Variants in GRIA4 observed in about 807,000 individuals in gnomAD.
The protein encoded by GRIA4 is glutamate receptor 4.
In GRIA4, 34 loss-of-function variants were observed where a neutral mutation model predicts 104.0. The ratio of observed to expected loss-of-function variants is 0.33; its 90% CI spans 0.25 to 0.44. GRIA4 has a LOEUF of 0.44. Among genes scored for constraint, GRIA4 ranks in the 20% least tolerant of loss-of-function variants. The probability of loss-of-function intolerance (pLI) is 1.00; values close to 1 mark genes in which losing one functional copy is unlikely to be tolerated. For missense variants in GRIA4, 750 were observed against 1,096.5 expected, an observed-to-expected ratio of 0.68 and a Z score of 4.46; for synonymous variants, 386 against 381.9, an observed-to-expected ratio of 1.01 and a Z score of -0.13.
intron 10 of GRIA4, chr11:105,912,373 T>A: frequency 1.2e-5 from 12 of 967,744 alleles, no homozygotes; most frequent in Non-Finnish European, 1.5e-5. Context: ...ATATAGAGAA[T>A]CTCCTTTCCA....
At chr11:105,660,166 T>C (rs775170331) in intron 3 of GRIA4, among the ~76,000 whole-genome samples, 6 of 151,466 alleles carry the variant, frequency 4.0e-5, no homozygotes, top group Non-Finnish European at 8.9e-5. Flanking sequence ...TATAAGCACA[T>C]AAAGATAATT....
At chr11:105,640,443 A>G (rs188546937) in intron 3 of GRIA4, among the ~76,000 whole-genome samples, 80 of 152,044 alleles carry the variant, frequency 5.3e-4, no homozygotes, top group African/African-American at 1.9e-3. Context: ...AATAATAAAA[A>G]TGCACATACT....
intron 3 of GRIA4, among the ~76,000 whole-genome samples, chr11:105,632,373 T>C (rs1951055841): frequency 6.6e-6 from 1 of 152,208 alleles, no homozygotes; most frequent in African/African-American, 2.4e-5. Context: ...TCAAAGACCA[T>C]AGCACTGCTT....
At chr11:105,927,692 G>A (rs184659757) in intron 13 of GRIA4, among the ~76,000 whole-genome samples, 85 of 151,944 alleles carry the variant, frequency 5.6e-4, no homozygotes, top group African/African-American at 1.9e-3. Flanking sequence ...CCATTATGGG[G>A]ATGAATTTTT....
chr11:105,904,039 T>C, intron 8 of GRIA4, 58 bp downstream of exon 8: 6 of 1,179,708 alleles, frequency 5.1e-6, no homozygotes, highest in Non-Finnish European at 7.3e-6. Context: ...TAACTGAATG[T>C]TCAAAAAACA....
At chr11:105,742,310 C>T (rs1018021043) in intron 3 of GRIA4, among the ~76,000 whole-genome samples, 3 of 152,138 alleles carry the variant, frequency 2.0e-5, no homozygotes, top group African/African-American at 7.2e-5. Context: ...CTACACATAT[C>T]TTACCTAATC....
intron 3 of GRIA4, among the ~76,000 whole-genome samples, chr11:105,672,104 G>A (rs1952392626): frequency 6.6e-6 from 1 of 152,124 alleles, no homozygotes; most frequent in South Asian, 2.1e-4. Flanking sequence ...TGTATGACAT[G>A]GCACAAAATA....
At chr11:105,910,126 G>T (rs4754138) in intron 9 of GRIA4, among the ~76,000 whole-genome samples, 1 of 151,998 alleles carries the variant, frequency 6.6e-6, no homozygotes, top group Admixed American at 6.6e-5. Flanking sequence ...CTAGAGGAGG[G>T]GATCTGCATA....
intron 3 of GRIA4, among the ~76,000 whole-genome samples, chr11:105,658,323 C>T (rs1245077911): frequency 1.3e-5 from 2 of 151,776 alleles, no homozygotes; most frequent in Non-Finnish European, 1.5e-5. Context: ...TCATCCTGAA[C>T]AGCTTTCTTC....
intron 4 of GRIA4, among the ~76,000 whole-genome samples, chr11:105,845,649 C>T (rs781726142): frequency 6.6e-6 from 1 of 152,108 alleles, no homozygotes; most frequent in African/African-American, 2.4e-5. Flanking sequence ...TTTGGGAGAC[C>T]GAGGCGGGTA....
At chr11:105,871,362 T>C (rs1040584425) in intron 5 of GRIA4, among the ~76,000 whole-genome samples, 8 of 152,026 alleles carry the variant, frequency 5.3e-5, no homozygotes, top group African/African-American at 1.4e-4. Flanking sequence ...TGGACAAATA[T>C]AGGCAAAATA....
rs191578309 is a variant in GRIA4 at position 105,729,348 on chromosome 11, G to C, written c.248-23633G>C. On this transcript the variant is annotated intron_variant, in intron 3 of 16. Transcript: ENST00000282499. ...TAAACCAACAACAAGTTCTGAAATT[G>C]AGGCAGTAATTAATAGCCTACAAAG... Among the ~76,000 whole-genome samples the C allele has an allele frequency of 1.4e-3, 213 of 152,238 alleles. 1 individual carries two copies. The highest frequency in any genetic ancestry group is 2.6e-3 in the Non-Finnish European group (174 of 68,010).
intron 3 of GRIA4, among the ~76,000 whole-genome samples, chr11:105,691,120 C>T (rs527634796): frequency 4.6e-5 from 7 of 152,108 alleles, no homozygotes; most frequent in South Asian, 4.1e-4. Context: ...AGCATTGTTA[C>T]GATTCCCTAA....
chr11:105,817,079 T>A (rs918331597), intron 4 of GRIA4, among the ~76,000 whole-genome samples: 6 of 152,042 alleles, frequency 3.9e-5, no homozygotes, highest in Admixed American at 6.6e-5. Context: ...GGGGTTTGAA[T>A]CCCAGCCTCT....
rs1010603530 is a variant in GRIA4, at chr11:105,659,889, T to C, written c.247+47455T>C. ...AAACAAAAATTTCTAACTAATATTCTCAGAAAAATTCAATGTGATATCAAA... is the reference window on the plus strand; with the variant it reads ...AAACAAAAATTTCTAACTAATATTCCCAGAAAAATTCAATGTGATATCAAA... On this transcript the variant is annotated intron_variant, in intron 3 of 16. Coordinates refer to ENST00000282499, the MANE Select transcript of GRIA4 (RefSeq NM_000829.4). 2.0e-5 allele frequency among the ~76,000 whole-genome samples: 3 copies of C among 151,794 alleles called. No individual in the cohort carries two copies. In the East Asian group the frequency reaches 5.8e-4, roughly 29 times the overall value.
intron 3 of GRIA4, among the ~76,000 whole-genome samples, chr11:105,646,486 A>G (rs1441417469): frequency 6.6e-6 from 1 of 152,138 alleles, no homozygotes; most frequent in East Asian, 1.9e-4. Flanking sequence ...AGCAAAAATA[A>G]CAGAGCTGGA....
chr11:105,785,640 T>C, intron 4 of GRIA4, among the ~76,000 whole-genome samples: 1 of 152,186 alleles, frequency 6.6e-6, no homozygotes, highest in East Asian at 1.9e-4. Flanking sequence ...GATGTTTATA[T>C]CTTTAAGGTT....
At chr11:105,759,016 G>A (rs1940467729) in intron 4 of GRIA4, among the ~76,000 whole-genome samples, 1 of 132,620 alleles carries the variant, frequency 7.5e-6, no homozygotes, top group African/African-American at 2.9e-5. Context: ...GGTTGACCTT[G>A]AATAATTTCC....
intron 14 of GRIA4, among the ~76,000 whole-genome samples, chr11:105,965,055 C>T (rs937259599): frequency 2.0e-5 from 3 of 152,066 alleles, no homozygotes; most frequent in Non-Finnish European, 2.9e-5. Flanking sequence ...GACTGACCGA[C>T]CTCCGCCTCC....
Sources: allele counts gnomAD v4.1 joint callset (sites outside exome capture counted in the v4.1 genomes callset), GRCh38; gene constraint gnomAD v4.1.1; transcripts MANE v1.5; gene names NCBI Gene and HGNC (gene_info 2026-07-23, HGNC 2026-07-21).